Variants in ARHGAP42 observed in about 807,000 individuals in gnomAD.
ARHGAP42 encodes Rho GTPase activating protein 42.
Under a neutral mutation model 125.0 loss-of-function variants are expected in ARHGAP42, and 63 were observed. That is an observed-to-expected ratio of 0.50 (90% CI 0.41 to 0.62). The LOEUF (loss-of-function observed/expected upper bound fraction) is 0.62, where lower values mean the gene tolerates loss of function less well. Ranked by LOEUF, ARHGAP42 falls within the 20% of genes least tolerant of loss-of-function variation. ARHGAP42 has a pLI of 0.00. For missense variants in ARHGAP42, 766 were observed against 1,024.2 expected (o/e 0.75, Z 3.44); for synonymous variants, 339 against 351.0 (o/e 0.97, Z 0.38).
chr11:100,819,780 C>T (rs1296341509), intron 3 of ARHGAP42, among the ~76,000 whole-genome samples: 8 of 152,086 alleles, frequency 5.3e-5, no homozygotes, highest in African/African-American at 1.9e-4. Context: ...GGGAGCTTTC[C>T]AAATCTGTAT....
At position 100,976,829 on chromosome 11, in the gene ARHGAP42, A is replaced by T; in HGVS notation, c.2251A>T (p.Ser751Cys). 2.6e-6 allele frequency: 4 copies of T among 1,550,588 alleles called. No individual in the cohort carries two copies. In the South Asian group the frequency reaches 3.6e-5, roughly 14 times the overall value. ...ISAAEGNKSY[S>C]GSIQSLTSVG... ...TTTCTTTTTAGGAAACAAGAGCTAC[A>T]GTGGATCTATTCAAAGCTTAACTTC... The change falls in exon 21 of 24, where the codon AGT (serine) becomes TGT (cysteine). Residue 751 changes from serine to cysteine, a missense_variant. Physicochemically the swap from Ser to Cys is moderately radical, Grantham distance 112. This residue lies in a region of ARHGAP42 where 308 missense variants were observed against 369.7 expected (regional missense o/e 0.83). Coordinates refer to ENST00000298815, the MANE Select transcript of ARHGAP42 (RefSeq NM_152432.4).
At chr11:100,906,024 C>T (rs2135219901) in intron 4 of ARHGAP42, among the ~76,000 whole-genome samples, 1 of 152,300 alleles carries the variant, frequency 6.6e-6, no homozygotes, top group Non-Finnish European at 1.5e-5. Context: ...AGACATTTCT[C>T]CTGTAACTCT....
chr11:100,895,400 G>A (rs1233681517), intron 4 of ARHGAP42, among the ~76,000 whole-genome samples: 3 of 151,882 alleles, frequency 2.0e-5, no homozygotes, highest in Non-Finnish European at 4.4e-5. Flanking sequence ...TTATCCTGGG[G>A]AGTCCTACAA....
intron 1 of ARHGAP42, among the ~76,000 whole-genome samples, chr11:100,744,474 G>A (rs1350403385): frequency 6.6e-6 from 1 of 151,276 alleles, no homozygotes; most frequent in Non-Finnish European, 1.5e-5. Flanking sequence ...TTATTTTTCT[G>A]GTTCCTTCTC....
intron 3 of ARHGAP42, among the ~76,000 whole-genome samples, chr11:100,849,448 GA>G (rs1237077584): frequency 6.6e-6 from 1 of 152,162 alleles, no homozygotes; most frequent in Non-Finnish European, 1.5e-5. Flanking sequence ...AAACGCCTGG[GA>G]AAGTTTGAAA....
At chr11:100,928,634 AC>A (rs1867492418) in intron 6 of ARHGAP42, among the ~76,000 whole-genome samples, 1 of 152,150 alleles carries the variant, frequency 6.6e-6, no homozygotes, top group African/African-American at 2.4e-5. Context: ...TACCATACAG[AC>A]AACTCATTTA....
chr11:100,815,851 C>A (rs1864255050), intron 3 of ARHGAP42, among the ~76,000 whole-genome samples: 1 of 152,096 alleles, frequency 6.6e-6, no homozygotes, highest in Non-Finnish European at 1.5e-5. Flanking sequence ...ACTTTCTGTT[C>A]CTAGGAGTTT....
intron 3 of ARHGAP42, among the ~76,000 whole-genome samples, chr11:100,813,694 T>C (rs1009628323): frequency 6.6e-6 from 1 of 152,214 alleles, no homozygotes; most frequent in African/African-American, 2.4e-5. Flanking sequence ...TTTTTGCTCT[T>C]GTAAGTAGAC....
At chr11:100,898,450 G>C (rs757694774) in intron 4 of ARHGAP42, among the ~76,000 whole-genome samples, 5 of 152,068 alleles carry the variant, frequency 3.3e-5, no homozygotes, top group African/African-American at 4.8e-5. Flanking sequence ...GTTAGAATTC[G>C]GCTATGAATC....
intron 12 of ARHGAP42, among the ~76,000 whole-genome samples, chr11:100,954,504 G>C (rs1004575699): frequency 6.6e-6 from 1 of 152,092 alleles, no homozygotes; most frequent in Non-Finnish European, 1.5e-5. Flanking sequence ...AAGTGTACCC[G>C]TGTATCTATT....
intron 2 of ARHGAP42, among the ~76,000 whole-genome samples, chr11:100,783,597 G>A (rs532815165): frequency 6.6e-6 from 1 of 152,310 alleles, no homozygotes; most frequent in East Asian, 1.9e-4. Flanking sequence ...AAAGCTGTAA[G>A]GGCCACTTGT....
intron 4 of ARHGAP42, among the ~76,000 whole-genome samples, chr11:100,876,584 A>T (rs1175441860): frequency 6.6e-6 from 1 of 152,222 alleles, no homozygotes; most frequent in African/African-American, 2.4e-5. Flanking sequence ...AGCCAATTAA[A>T]AAGAAAAAAT....
intron 1 of ARHGAP42, among the ~76,000 whole-genome samples, chr11:100,714,028 G>T (rs1044807681): frequency 2.0e-5 from 3 of 152,112 alleles, no homozygotes; most frequent in African/African-American, 7.2e-5. Context: ...TTGGCCACTG[G>T]GCTCTGTCTG....
At chr11:100,834,621 T>G (rs1864738451) in intron 3 of ARHGAP42, among the ~76,000 whole-genome samples, 1 of 152,054 alleles carries the variant, frequency 6.6e-6, no homozygotes, top group East Asian at 1.9e-4. Flanking sequence ...CATCAGAAGT[T>G]TGAGCTCATA....
chr11:100,795,562 A>G (rs1441493717), intron 3 of ARHGAP42, among the ~76,000 whole-genome samples: 5 of 152,210 alleles, frequency 3.3e-5, no homozygotes, highest in Non-Finnish European at 7.3e-5. Context: ...TTGCCAGGGT[A>G]GTGTTAAAAG....
chr11:100,947,879 T>G (rs1868066776), intron 10 of ARHGAP42, among the ~76,000 whole-genome samples: 1 of 152,144 alleles, frequency 6.6e-6, no homozygotes, highest in East Asian at 1.9e-4. Flanking sequence ...CTTTGTTTCT[T>G]TCTTGAAGTA....
intron 1 of ARHGAP42, among the ~76,000 whole-genome samples, chr11:100,713,578 A>T (rs759156937): frequency 6.6e-6 from 1 of 152,258 alleles, no homozygotes; most frequent in Non-Finnish European, 1.5e-5. Context: ...CCTAATGTGG[A>T]TTAAGCATCA....
At chr11:100,798,139 C>A (rs536573514) in intron 3 of ARHGAP42, among the ~76,000 whole-genome samples, 88 of 152,256 alleles carry the variant, frequency 5.8e-4, no homozygotes, top group African/African-American at 2.1e-3. Context: ...TACATGGTTT[C>A]TTGAGATCAG....
intron 21 of ARHGAP42, among the ~76,000 whole-genome samples, chr11:100,977,850 A>T (rs1220597382): frequency 7.2e-5 from 11 of 152,172 alleles, no homozygotes; most frequent in African/African-American, 9.7e-5. Context: ...TTTTAATATG[A>T]TGGCATTCTT....
Sources: allele counts gnomAD v4.1 joint callset (sites outside exome capture counted in the v4.1 genomes callset), GRCh38; gene constraint gnomAD v4.1.1; regional missense constraint gnomAD v4.1.1; transcripts MANE v1.5; gene names NCBI Gene and HGNC (gene_info 2026-07-23, HGNC 2026-07-21).